Variants in ZNF718 observed in about 807,000 individuals in gnomAD.
The protein encoded by ZNF718 is zinc finger protein 718.
A neutral mutation model predicts 2.6 loss-of-function variants in ZNF718; 3 were observed. That is an observed-to-expected ratio of 1.16 (90% confidence interval 0.53 to 3.01). The LOEUF (loss-of-function observed/expected upper bound fraction) is 3.01, where lower values mean the gene tolerates loss of function less well. ZNF718 is among the 30% of genes most tolerant of loss of function. The pLI is 0.03. For synonymous variants in ZNF718, 135 were observed against 77.9 expected, an observed-to-expected ratio of 1.73 and a Z score of -3.86; for missense variants, 468 against 230.0, an observed-to-expected ratio of 2.03 and a Z score of -6.69.
Position 161,642 on chromosome 4 carries a change from C to T in ZNF718, c.957C>T (p.Val319=), listed in dbSNP as rs185307304. The change falls in exon 4 of 4, where the codon GTC becomes GTT. Residue 319 remains valine (V), a synonymous_variant. Transcript: ENST00000510175. ...TCTCATGCGAAGAATGTGGCAATGTCTTTACCACATCCTCAGACTTTGCTA... is the reference window on the plus strand; with the variant it reads ...TCTCATGCGAAGAATGTGGCAATGTTTTTACCACATCCTCAGACTTTGCTA... ...KPFSCEECGN[V]FTTSSDFAKH... is the part of the protein sequence containing the mutation. 257 of 779,946 alleles carry T rather than the reference C, an allele frequency of 3.3e-4. No individual in the cohort carries two copies. In the African/African-American group the frequency reaches 4.0e-3, roughly 12 times the overall value. 48.3% of individuals were successfully genotyped at this position (779,946 alleles called of 1,614,324 possible).
At chr4:146,773 G>GT (rs150115499) in intron 3 of ZNF718, among the ~76,000 whole-genome samples, 21,082 of 145,114 alleles carry the variant, frequency 0.15, 1,907 homozygotes, top group Admixed American at 0.24. Flanking sequence ...TTGCTGGGGT[G>GT]TTTTTTTTTT....
chr4:127,775 C>T lies in ZNF718; in HGVS notation c.4-3013C>T. On this transcript the variant is annotated intron_variant, in intron 1 of 3. Transcript: ENST00000510175. ...GTGGCTATAAATTAACCTAATAATGCCACACTGGACACTATAATCCACACC... is the reference window on the plus strand; with the variant it reads ...GTGGCTATAAATTAACCTAATAATGTCACACTGGACACTATAATCCACACC... Among the ~76,000 whole-genome samples, 2 of 104,404 alleles carry T rather than the reference C, an allele frequency of 1.9e-5. 1 individual carries two copies. Among genetic ancestry groups the T allele is most frequent in the Admixed American group, 2.1e-4 (2 of 9,754 alleles). 68.5% of individuals were successfully genotyped at this position (104,404 alleles called of 152,430 possible).
In ZNF718 at chr4:162,738, A is replaced by C. The variant is rs1553815895; in HGVS notation, c.*616A>C. The C allele has an allele frequency of 6.6e-6, 1 of 152,228 alleles. No individual in the cohort carries two copies. Among genetic ancestry groups the C allele is most frequent in the African/African-American group, 2.4e-5 (1 of 41,470 alleles). 9.4% of individuals were successfully genotyped at this position (152,228 alleles called of 1,614,324 possible). The stretch of plus-strand genomic sequence containing the variant: ...ATTAGAGAATTTATATTGGAAAGAA[A>C]TTTTACAAATGTAATAAATTTGGAA... On this transcript the variant is annotated 3_prime_UTR_variant, in exon 4 of 4. Coordinates refer to ENST00000510175, the MANE Select transcript of ZNF718 (RefSeq NM_001039127.6).
chr4:191,467 A>G (rs1488977004), intron 3 of ZNF718, among the ~76,000 whole-genome samples: 1 of 152,066 alleles, frequency 6.6e-6, no homozygotes, highest in Non-Finnish European at 1.5e-5. Context: ...CTTTAATAGA[A>G]GAAACACAGT....
intron 3 of ZNF718, among the ~76,000 whole-genome samples, chr4:173,163 C>CT (rs1158430734): frequency 6.6e-6 from 1 of 151,480 alleles, no homozygotes; most frequent in African/African-American, 2.4e-5. Flanking sequence ...TTGGGAACAA[C>CT]TTTTTTTTTC....
chr4:124,777 C>T (rs1401396368), intron 1 of ZNF718, 104 bp downstream of exon 1: 37 of 1,501,362 alleles, frequency 2.5e-5, no homozygotes, highest in Non-Finnish European at 3.2e-5. Context: ...CCCGCTCAGC[C>T]CTCTGTCCTC....
At chr4:137,748 T>A (rs1553809598) in intron 3 of ZNF718, among the ~76,000 whole-genome samples, 3 of 147,550 alleles carry the variant, frequency 2.0e-5, no homozygotes, top group Non-Finnish European at 4.5e-5. Flanking sequence ...ATGTATACTT[T>A]TTACTTTTTT....
At chr4:159,040 CTTTTTTT>C (rs201288037) in intron 3 of ZNF718, among the ~76,000 whole-genome samples, 6 of 136,396 alleles carry the variant, frequency 4.4e-5, no homozygotes, top group Non-Finnish European at 8.0e-5. Flanking sequence ...TTTCTTTTTT[CTTTTTTT>C]TTTTTTTGAG....
intron 3 of ZNF718, among the ~76,000 whole-genome samples, chr4:146,515 G>GT (rs2108791733): frequency 6.6e-6 from 1 of 152,098 alleles, no homozygotes; most frequent in African/African-American, 2.4e-5. Context: ...TCCTGGGCAA[G>GT]TTTTTTATCA....
At position 195,098 on chromosome 4, in the gene ZNF718, C is replaced by T. The variant is rs1469048090; in HGVS notation, c.227-5983C>T. On this transcript the variant is annotated intron_variant and NMD_transcript_variant, in intron 3 of 4. Transcript: ENST00000642529. ...TTGTGCTCAGGGGTGAGTCCTAGAG[C>T]TGGGCTGGGTTCCTGAGTATTTCAT... 2.0e-5 allele frequency among the ~76,000 whole-genome samples: 3 copies of T among 152,156 alleles called. No individual in the cohort carries two copies. The East Asian group carries it at 5.8e-4, about 29-fold the overall frequency.
intron 3 of ZNF718, among the ~76,000 whole-genome samples, chr4:134,370 T>TCTC (rs1291099173): frequency 6.6e-6 from 1 of 152,114 alleles, no homozygotes; most frequent in Non-Finnish European, 1.5e-5. Context: ...ATGGTCTCTA[T>TCTC]CTGACCTCGT....
Position 128,074 on chromosome 4 carries a change from C to T in ZNF718, c.4-2714C>T, listed in dbSNP as rs1715276612. On this transcript the variant is annotated intron_variant, in intron 1 of 3. Coordinates refer to ENST00000510175, the MANE Select transcript of ZNF718 (RefSeq NM_001039127.6). The stretch of plus-strand genomic sequence containing the variant: ...AGGAGCCTCCATGAGGTGATCTCTC[C>T]TCTGGTTTTACTCTGCTTACTCTAA... 1.9e-5 allele frequency among the ~76,000 whole-genome samples: 2 copies of T among 103,846 alleles called. 1 individual carries two copies. Among genetic ancestry groups the T allele is most frequent in the Admixed American group, 2.1e-4 (2 of 9,704 alleles). 68.1% of individuals were successfully genotyped at this position (103,846 alleles called of 152,430 possible). A position where few individuals can be genotyped will look rare whatever the true frequency, so the allele number is the denominator to read the frequency against.
rs75377005 is a variant in ZNF718 at position 126,519 on chromosome 4, G to C, written c.3+1846G>C. Among the ~76,000 whole-genome samples, 501 of 152,338 alleles carry C rather than the reference G, an allele frequency of 3.3e-3. 5 individuals carry two copies. Among genetic ancestry groups the C allele is most frequent in the African/African-American group, 0.011 (459 of 41,580 alleles). On this transcript the variant is annotated intron_variant, in intron 1 of 3. Coordinates refer to ENST00000510175, the MANE Select transcript of ZNF718 (RefSeq NM_001039127.6). ...GTAGGAGGGTGGGAGGCTGCCTTCA[G>C]CAGGTACCTGGCTCCACATTGTGGG... is the stretch of plus-strand genomic sequence containing the variant.
chr4:175,692 A>G (rs1034156648), intron 3 of ZNF718, among the ~76,000 whole-genome samples: 9 of 152,158 alleles, frequency 5.9e-5, no homozygotes, highest in African/African-American at 1.9e-4. Context: ...TGATGTTTAT[A>G]TTACAAGTCA....
At chr4:189,833 G>T (rs2108815979) in intron 3 of ZNF718, among the ~76,000 whole-genome samples, 1 of 152,198 alleles carries the variant, frequency 6.6e-6, no homozygotes, top group East Asian at 1.9e-4. Context: ...ATAAATAGGT[G>T]CTGGATTTGT....
At chr4:191,120 T>C (rs1401184775) in intron 3 of ZNF718, among the ~76,000 whole-genome samples, 1 of 149,792 alleles carries the variant, frequency 6.7e-6, no homozygotes, top group African/African-American at 2.4e-5. Context: ...TCTAAGTTTC[T>C]AAAATCAAAA....
rs1717553594 is a variant in ZNF718 at position 185,698 on chromosome 4, ATTT to A, written c.227-15382_227-15380del. ...GTGCTCCTGTGTTGGGTACATATAT[ATTT>A]AGGATAGTTCACTCTTTTTGTTGAA... On this transcript the variant is annotated intron_variant and NMD_transcript_variant, in intron 3 of 4. Coordinates refer to the ZNF718 transcript ENST00000642529. Among the ~76,000 whole-genome samples, 5 of 152,218 alleles carry A rather than the reference ATTT, an allele frequency of 3.3e-5. No individual in the cohort carries two copies. In the South Asian group the frequency reaches 1.0e-3, roughly 32 times the overall value.
At chr4:188,756 G>A (rs1553820743) in intron 3 of ZNF718, among the ~76,000 whole-genome samples, 1 of 152,146 alleles carries the variant, frequency 6.6e-6, no homozygotes, top group African/African-American at 2.4e-5. Context: ...TGTGGGAGAA[G>A]TGTGGTTTCC....
chr4:147,646 C>G (rs950841648), intron 3 of ZNF718, among the ~76,000 whole-genome samples: 6 of 151,582 alleles, frequency 4.0e-5, no homozygotes, highest in Admixed American at 3.3e-4. Flanking sequence ...GGTGAATTGC[C>G]TCAGCTCAGG....
Sources: allele counts gnomAD v4.1 joint callset (sites outside exome capture counted in the v4.1 genomes callset), GRCh38; gene constraint gnomAD v4.1.1; transcripts MANE v1.5; gene names NCBI Gene and HGNC (gene_info 2026-07-23, HGNC 2026-07-21).